SH3BGR: variants seen among roughly 807,000 people sequenced by gnomAD.
The protein encoded by SH3BGR is SH3 domain-binding glutamic acid-rich protein.
SH3BGR carries 29 observed loss-of-function variants against 24.5 expected under a neutral mutation model. The ratio of observed to expected loss-of-function variants is 1.18; its 90% CI spans 0.88 to 1.61. The LOEUF (loss-of-function observed/expected upper bound fraction) is 1.61. Among genes scored for constraint, SH3BGR ranks in the 40% most tolerant of loss-of-function variants. The pLI is 0.00. For synonymous variants in SH3BGR, 55 were observed against 65.7 expected (o/e 0.84, Z 0.79); for missense variants, 162 against 205.8 (o/e 0.79, Z 1.30).
chr21:39,452,249 T>G, intron 1 of SH3BGR, 108 bp downstream of exon 1: 6 of 1,289,128 alleles, frequency 4.7e-6, no homozygotes, highest in Middle Eastern at 1.8e-4. Context: ...TAGTCAGCTG[T>G]GGCTCTGCAA....
upstream of SH3BGR, chr21:39,451,746 C>G: frequency 1.1e-6 from 1 of 906,128 alleles, no homozygotes; most frequent in Non-Finnish European, 1.7e-6. Context: ...CATCTCTGCA[C>G]AGGTCTCCGA....
rs1177197984 is a variant in SH3BGR at position 39,510,377 on chromosome 21, CACACACACACACACTGTAGCT to C, written c.436-1288_436-1268del. Among the ~76,000 whole-genome samples the C allele has an allele frequency of 7.0e-3, 967 of 138,326 alleles. 7 individuals carry two copies. The highest frequency in any genetic ancestry group is 0.027 in the Middle Eastern group (7 of 256). 90.7% of individuals were successfully genotyped at this position (138,326 alleles called of 152,430 possible). The stretch of plus-strand genomic sequence containing the variant: ...CACTGTAGCTACATACACACACACA[CACACACACACACACTGTAGCT>C]ACACACACACACACACACACACACT... On this transcript the variant is annotated intron_variant, in intron 5 of 6. Coordinates refer to ENST00000333634, the MANE Select transcript of SH3BGR (RefSeq NM_007341.3).
intron 3 of SH3BGR, among the ~76,000 whole-genome samples, chr21:39,495,969 A>G (rs1348541877): frequency 6.6e-6 from 1 of 152,234 alleles, no homozygotes; most frequent in African/African-American, 2.4e-5. Context: ...TTTCTAGTTA[A>G]GAATGGATTA....
chr21:39,507,649 T>A (rs572197233), intron 4 of SH3BGR, among the ~76,000 whole-genome samples: 33 of 152,204 alleles, frequency 2.2e-4, no homozygotes, highest in African/African-American at 6.7e-4. Context: ...CTGTGATTTT[T>A]AAAATTTTAC....
chr21:39,492,942 T>A (rs1203963301), intron 3 of SH3BGR, among the ~76,000 whole-genome samples: 1 of 152,236 alleles, frequency 6.6e-6, no homozygotes, highest in African/African-American at 2.4e-5. Context: ...TGTCTATTCA[T>A]GTCCTTAGCC....
At chr21:39,446,660 A>G (rs116886115) in intron 1 of SH3BGR, among the ~76,000 whole-genome samples, 3,004 of 152,222 alleles carry the variant, frequency 0.02, 40 homozygotes, top group Non-Finnish European at 0.031. Flanking sequence ...ACTTTTTCCC[A>G]TATCTTGAGT....
chr21:39,473,974 G>T (rs2077986085), intron 2 of SH3BGR, among the ~76,000 whole-genome samples: 2 of 151,950 alleles, frequency 1.3e-5, no homozygotes, highest in South Asian at 4.1e-4. Flanking sequence ...AAGATTTTGT[G>T]GGTTTTTTTG....
At chr21:39,469,061 G>GT (rs2077891691) in intron 2 of SH3BGR, among the ~76,000 whole-genome samples, 1 of 150,384 alleles carries the variant, frequency 6.6e-6, no homozygotes, top group South Asian at 2.1e-4. Flanking sequence ...CCAGGCTGGA[G>GT]TGCAGTGGTG....
intron 2 of SH3BGR, among the ~76,000 whole-genome samples, chr21:39,472,320 G>A (rs1013071058): frequency 6.6e-6 from 1 of 152,056 alleles, no homozygotes. Context: ...AAGAGAAAGG[G>A]AGAGCCCAAA....
Position 39,497,583 on chromosome 21 carries a change from A to G in SH3BGR, c.313-2240A>G, listed in dbSNP as rs529094004. Among the ~76,000 whole-genome samples, 92 of 152,218 alleles carry G rather than the reference A, an allele frequency of 6.0e-4. 1 individual carries two copies. The highest frequency in any genetic ancestry group is 2.1e-3 in the African/African-American group (86 of 41,588). On this transcript the variant is annotated intron_variant, in intron 3 of 6. Transcript: ENST00000333634. Reference sequence around the variant, plus strand: ...ATATAGAAAGATACTCTAAAAATTTATAGTAAAGCACAAACAACTCAAGTA... The same window carrying G: ...ATATAGAAAGATACTCTAAAAATTTGTAGTAAAGCACAAACAACTCAAGTA...
rs376514005 is a variant in SH3BGR at position 39,467,280 on chromosome 21, G to A, written c.231+4720G>A. Among the ~76,000 whole-genome samples the A allele has an allele frequency of 2.6e-5, 4 of 151,676 alleles. 1 individual carries two copies. Among genetic ancestry groups the A allele is most frequent in the South Asian group, 4.2e-4 (2 of 4,814 alleles). ...GTAATTTTTTTTTCATTTTAATTGCGGAGGAGAAAGAAAAGGTTTTCCAAA... is the reference window on the plus strand; with the variant it reads ...GTAATTTTTTTTTCATTTTAATTGCAGAGGAGAAAGAAAAGGTTTTCCAAA... On this transcript the variant is annotated intron_variant, in intron 2 of 6. Transcript: ENST00000333634.
chr21:39,507,174 C>T (rs556232385), intron 4 of SH3BGR, among the ~76,000 whole-genome samples: 2 of 152,298 alleles, frequency 1.3e-5, no homozygotes, highest in Admixed American at 1.3e-4. Context: ...AAAAAGTCCT[C>T]TTGGCCTGAT....
chr21:39,462,980 C>T (rs763657883), intron 2 of SH3BGR, among the ~76,000 whole-genome samples: 1 of 152,152 alleles, frequency 6.6e-6, no homozygotes, highest in Non-Finnish European at 1.5e-5. Flanking sequence ...TTCTCTTGAG[C>T]TCAAGCGATC....
chr21:39,507,239 G>C (rs1416508053), intron 4 of SH3BGR, among the ~76,000 whole-genome samples: 1 of 152,214 alleles, frequency 6.6e-6, no homozygotes, highest in Non-Finnish European at 1.5e-5. Context: ...CTCAGAAATA[G>C]GAAGGTATTG....
upstream of SH3BGR, among the ~76,000 whole-genome samples, chr21:39,450,901 G>T (rs924912701): frequency 1.3e-5 from 2 of 152,082 alleles, no homozygotes; most frequent in Admixed American, 6.5e-5. Context: ...CTGGCTAAAG[G>T]GCTCAAGGGA....
At chr21:39,494,745 A>G (rs1234026631) in intron 3 of SH3BGR, among the ~76,000 whole-genome samples, 1 of 151,910 alleles carries the variant, frequency 6.6e-6, no homozygotes, top group East Asian at 1.9e-4. Flanking sequence ...TATATCATTT[A>G]CCAAATTTAG....
Position 39,459,172 on chromosome 21 carries a change from C to T in SH3BGR, c.46-3203C>T, listed in dbSNP as rs528553472. On this transcript the variant is annotated intron_variant, in intron 1 of 6. Transcript: ENST00000333634. ...TTTGTTTTATTACCCTTTCTTTCTC[C>T]TCCTTCCCTCCCTCTCTCCCTACCT... is the stretch of plus-strand genomic sequence containing the variant. 3.3e-5 allele frequency among the ~76,000 whole-genome samples: 5 copies of T among 151,808 alleles called. No homozygotes were observed. In the East Asian group the frequency reaches 9.7e-4, roughly 29 times the overall value.
At chr21:39,508,919 A>G in intron 4 of SH3BGR, 79 bp from the exon 5 acceptor site, 1 of 1,055,264 alleles carries the variant, frequency 9.5e-7, no homozygotes, top group Non-Finnish European at 1.4e-6. Context: ...ATTTTATTAT[A>G]GTTTGCTTGA....
intron 6 of SH3BGR, among the ~76,000 whole-genome samples, chr21:39,513,632 C>A (rs528406970): frequency 2.0e-5 from 3 of 152,100 alleles, no homozygotes; most frequent in Admixed American, 2.0e-4. Flanking sequence ...TACTTTAAAG[C>A]CCTCTGCTTG....
Sources: gnomAD v4.1 joint callset for allele counts (sites outside exome capture counted in the v4.1 genomes callset) on GRCh38, gnomAD v4.1.1 for gene constraint, MANE v1.5 for transcripts, NCBI Gene and HGNC (gene_info 2026-07-23, HGNC 2026-07-21) for gene names.